The following TNS1 variants were observed in gnomAD, a reference collection of about 807,000 sequenced individuals.
The protein encoded by TNS1 is tensin 1, also known as tensin-1.
In TNS1, 62 loss-of-function variants were observed where a neutral mutation model predicts 168.6. The ratio of observed to expected loss-of-function variants is 0.37; its 90% CI spans 0.30 to 0.45. The LOEUF (loss-of-function observed/expected upper bound fraction) is 0.45. TNS1 is among the 20% of genes least tolerant of loss of function. The pLI, the probability that TNS1 is intolerant of heterozygous loss-of-function variation, is 1.00. For missense variants in TNS1, 2,240 were observed against 2,339.4 expected (o/e 0.96, Z 0.88); for synonymous variants, 934 against 933.2 (o/e 1.00, Z -0.02).
intron 1 of TNS1, among the ~76,000 whole-genome samples, chr2:218,021,157 C>T (rs1403602753): frequency 6.6e-6 from 1 of 152,260 alleles, no homozygotes; most frequent in East Asian, 1.9e-4. Context: ...AGGCCAGGCC[C>T]TCCTCTGAGA....
intron 4 of TNS1, among the ~76,000 whole-genome samples, chr2:217,912,496 G>A (rs182978644): frequency 1.1e-3 from 166 of 152,318 alleles, no homozygotes; most frequent in Non-Finnish European, 2.1e-3. Flanking sequence ...CCATGGCAAT[G>A]AACTGCGAGG....
intron 3 of TNS1, among the ~76,000 whole-genome samples, chr2:217,926,980 C>T (rs957041550): frequency 5.3e-5 from 8 of 152,276 alleles, no homozygotes; most frequent in Admixed American, 1.3e-4. Flanking sequence ...ACTCAGGGGC[C>T]CCAGGCAGGC....
chr2:217,826,806 C>A (rs1485620130), intron 22 of TNS1, among the ~76,000 whole-genome samples: 1 of 152,190 alleles, frequency 6.6e-6, no homozygotes, highest in Non-Finnish European at 1.5e-5. Context: ...TGGCTGCTGG[C>A]GGTGAAGAGC....
At chr2:217,912,124 G>A (rs780785668) in intron 4 of TNS1, among the ~76,000 whole-genome samples, 4 of 152,252 alleles carry the variant, frequency 2.6e-5, no homozygotes, top group Non-Finnish European at 5.9e-5. Context: ...GGGCCAGGAG[G>A]GGCCTTTCTG....
chr2:217,853,628 C>T lies in TNS1; in HGVS notation c.1430-4541G>A, dbSNP rs949923153. Among the ~76,000 whole-genome samples, 8 of 152,132 alleles carry T rather than the reference C, an allele frequency of 5.3e-5. No homozygotes were observed. In the South Asian group the frequency reaches 6.2e-4, roughly 12 times the overall value. The stretch of plus-strand genomic sequence containing the variant: ...TTGGTGGTTGCAAAACCCAAAATCT[C>T]TCCATGGCCCCACTGTCTTTGTCTG... On this transcript the variant is annotated intron_variant, in intron 18 of 32. Coordinates refer to ENST00000682258, the MANE Select transcript of TNS1 (RefSeq NM_001387777.1).
chr2:217,879,383 A>C, intron 18 of TNS1: 1 of 449,268 alleles, frequency 2.2e-6, no homozygotes, highest in Middle Eastern at 5.8e-4. Context: ...CCTCAGAACA[A>C]ATTCGCTCCA....
rs1414306474 is a variant in TNS1, at chr2:217,813,824, G to A, written c.4730-8C>T. 1.2e-6 allele frequency: 2 copies of A among 1,605,044 alleles called. No homozygotes were observed. The highest frequency in any genetic ancestry group is 1.3e-5 in the African/African-American group (1 of 74,500). On this transcript the variant is annotated splice_polypyrimidine_tract_variant and splice_region_variant and intron_variant, in intron 25 of 32. Transcript: ENST00000682258. The surrounding 1 kb of genome is among the most constrained non-coding windows in gnomAD (Gnocchi z 4.0). ...CCTTGAGGAGCGCGATGGCTGCATG[G>A]GGAAGGGACAAGGAGAGAGGAGGAA...
chr2:217,905,768 CCCTTCTGTGGGAT>C (rs1953604945), intron 6 of TNS1, among the ~76,000 whole-genome samples: 1 of 152,208 alleles, frequency 6.6e-6, no homozygotes, highest in African/African-American at 2.4e-5. Flanking sequence ...AGACCCCGAG[CCCTTCTGTGGGAT>C]CCTTCCATTT....
At chr2:218,014,009 C>A (rs144258790), upstream of TNS1, among the ~76,000 whole-genome samples, 5 of 152,308 alleles carry the variant, frequency 3.3e-5, no homozygotes, top group African/African-American at 9.6e-5. Context: ...CCAGAGGCAG[C>A]CAGCACAGGT....
At chr2:217,985,552 G>C (rs1349588558) in intron 2 of TNS1, 1 of 152,204 alleles carries the variant, frequency 6.6e-6, no homozygotes, top group South Asian at 2.1e-4. Flanking sequence ...CCAAGTAGCT[G>C]GGATTACAGG....
rs1937936624 is a variant in TNS1, at chr2:217,804,145, C to T, written c.*314G>A. 3.8e-6 allele frequency: 1 copy of T among 261,854 alleles called. No homozygotes were observed. The highest frequency in any genetic ancestry group is 2.2e-5 in the African/African-American group (1 of 44,876). 16.2% of individuals were successfully genotyped at this position (261,854 alleles called of 1,614,324 possible). ...TTGTTCCTTCTCTTTTGAGGACATC[C>T]ATCTTCTTAGGGGAGGGAGGGGGTG... On this transcript the variant is annotated 3_prime_UTR_variant, in exon 33 of 33. Transcript: ENST00000682258.
intron 18 of TNS1, among the ~76,000 whole-genome samples, chr2:217,857,359 A>T (rs888052721): frequency 2.6e-5 from 4 of 152,118 alleles, no homozygotes; most frequent in Non-Finnish European, 5.9e-5. Context: ...CCCGGCAAGG[A>T]AGTACAAAAC....
At chr2:217,964,578 T>C (rs746746293) in intron 3 of TNS1, among the ~76,000 whole-genome samples, 11 of 152,220 alleles carry the variant, frequency 7.2e-5, no homozygotes, top group Non-Finnish European at 1.6e-4. Flanking sequence ...TTAGATTAAA[T>C]AGATCCTGTG....
intron 18 of TNS1, 33 bp from the exon 19 acceptor site, chr2:217,849,120 G>A: frequency 6.3e-7 from 1 of 1,584,512 alleles, no homozygotes; most frequent in Non-Finnish European, 8.6e-7. Flanking sequence ...GGAGACAACA[G>A]ACAACAGACA....
intron 3 of TNS1, among the ~76,000 whole-genome samples, chr2:217,938,465 C>G (rs535606290): frequency 6.6e-6 from 1 of 152,356 alleles, no homozygotes; most frequent in East Asian, 1.9e-4. Context: ...ACATGGTTCT[C>G]CCCTACCCAC....
chr2:217,918,846 GCCCCCGCTGTTGCCAGAT>G (rs1955415558), intron 4 of TNS1, among the ~76,000 whole-genome samples: 1 of 144,802 alleles, frequency 6.9e-6, no homozygotes, highest in African/African-American at 2.5e-5. Flanking sequence ...CCACCCCCCA[GCCCCCGCTGTTGCCAGAT>G]GACCCTCCAC....
chr2:217,832,294 C>T (rs569817757), intron 21 of TNS1, among the ~76,000 whole-genome samples: 1 of 152,124 alleles, frequency 6.6e-6, no homozygotes, highest in Non-Finnish European at 1.5e-5. Flanking sequence ...ATCTGGGTTA[C>T]AAGTGTCATG....
Position 217,804,190 on chromosome 2 carries a change from T to G in TNS1, c.*269A>C. 1 of 417,966 alleles carries G rather than the reference T, an allele frequency of 2.4e-6. No individual in the cohort carries two copies. Among genetic ancestry groups the G allele is most frequent in the South Asian group, 3.4e-5 (1 of 29,504 alleles). 25.9% of individuals were successfully genotyped at this position (417,966 alleles called of 1,614,324 possible). A position where few individuals can be genotyped will look rare whatever the true frequency, so the allele number is the denominator to read the frequency against. Reference sequence around the variant, plus strand: ...GGGGTGTTAGGTGGACCTGGTTAGTTTTGGAGGCTTTGGGTTTTTGCAGTT... The same window carrying G: ...GGGGTGTTAGGTGGACCTGGTTAGTGTTGGAGGCTTTGGGTTTTTGCAGTT... On this transcript the variant is annotated 3_prime_UTR_variant, in exon 33 of 33. Transcript: ENST00000682258.
intron 22 of TNS1, among the ~76,000 whole-genome samples, chr2:217,826,432 C>A (rs905038175): frequency 2.0e-5 from 3 of 152,156 alleles, no homozygotes; most frequent in African/African-American, 7.2e-5. Context: ...CACCCACCAC[C>A]CGTGCACTTA....
Sources: allele counts gnomAD v4.1 joint callset (sites outside exome capture counted in the v4.1 genomes callset), GRCh38; gene constraint gnomAD v4.1.1; non-coding constraint Gnocchi (gnomAD v3.1); transcripts MANE v1.5; gene names NCBI Gene and HGNC (gene_info 2026-07-23, HGNC 2026-07-21).